The following BRME1 variants were observed in gnomAD, a reference collection of about 807,000 sequenced individuals.
BRME1 encodes break repair meiotic recombinase recruitment factor 1.
A neutral mutation model predicts 52.6 loss-of-function variants in BRME1; 31 were observed. That is an observed-to-expected ratio of 0.59 (90% CI 0.44 to 0.80). The LOEUF is 0.80. Ranked by LOEUF, BRME1 falls within the 30% of genes least tolerant of loss-of-function variation. The pLI, the probability that BRME1 is intolerant of heterozygous loss-of-function variation, is 0.00. For missense variants in BRME1, 804 were observed against 860.3 expected (o/e 0.93, Z 0.82); for synonymous variants, 359 against 353.6 (o/e 1.02, Z -0.17).
chr19:13,900,137 A>G (rs1446632639), intron 2 of BRME1, among the ~76,000 whole-genome samples: 1 of 152,218 alleles, frequency 6.6e-6, no homozygotes, highest in African/African-American at 2.4e-5. Flanking sequence ...AAGCAAAAAA[A>G]TATCAATGGC....
In BRME1 at chr19:13,889,367, C is replaced by T. The variant is rs770089296; in HGVS notation, c.1489G>A (p.Gly497Arg). The change falls in exon 6 of 9, where the codon GGG becomes AGG. Residue 497 changes from glycine (G) to arginine (R), a missense_variant. By Grantham distance (125) the Gly-to-Arg change is moderately radical (BLOSUM62 -2). Coordinates refer to ENST00000586783, the MANE Select transcript of BRME1 (RefSeq NM_001345843.2). The part of the protein sequence containing the change: ...EIADDPLQEP[G>R]AQQGIPDTTS... Reference sequence around the variant, plus strand: ...GTGTCTGGAATGCCCTGCTGAGCCCCGGGCTCCTGGAGAGGGTCGTCTGCT... The same window carrying T: ...GTGTCTGGAATGCCCTGCTGAGCCCTGGGCTCCTGGAGAGGGTCGTCTGCT... The T allele has an allele frequency of 3.5e-5, 57 of 1,613,982 alleles. No individual in the cohort carries two copies. Among genetic ancestry groups the T allele is most frequent in the African/African-American group, 2.0e-4 (15 of 74,908 alleles).
intron 6 of BRME1, 137 bp downstream of exon 6, chr19:13,889,051 C>T: frequency 1.3e-6 from 1 of 783,690 alleles, no homozygotes; most frequent in African/African-American, 1.8e-5. Flanking sequence ...ACTCGGACTC[C>T]TATAGTCGTT....
At position 13,883,618 on chromosome 19, in the gene BRME1, A is replaced by G. The variant is rs1348492529; in HGVS notation, c.1764-218T>C. The G allele has an allele frequency of 5.8e-6, 3 of 513,564 alleles. No homozygotes were observed. Among genetic ancestry groups the G allele is most frequent in the Middle Eastern group, 5.1e-4 (1 of 1,964 alleles). The allele number at this position is 513,564 out of a possible 1,614,324, so 31.8% of individuals were successfully genotyped here. A position where few individuals can be genotyped will look rare whatever the true frequency, so the allele number is the denominator to read the frequency against. The stretch of plus-strand genomic sequence containing the variant: ...TCTCCCCTACCTGCCCTGCCCTCTC[A>G]GGACGCTGCTGCCACCGCCTCCCTA... On this transcript the variant is annotated intron_variant, in intron 7 of 8. Transcript: ENST00000586783. This position sits in a 1 kb window ranked among gnomAD's most constrained non-coding sequence, Gnocchi z 4.2.
chr19:13,898,335 A>G (rs892404905), intron 2 of BRME1, among the ~76,000 whole-genome samples: 1 of 152,124 alleles, frequency 6.6e-6, no homozygotes, highest in African/African-American at 2.4e-5. Flanking sequence ...ACAAACCAAC[A>G]GCCAGGTGTG....
chr19:13,883,182 G>T lies in BRME1; in HGVS notation c.1856+126C>A. The stretch of plus-strand genomic sequence containing the variant: ...GGAGGGGGGCCACGGTGAGGACCCA[G>T]CAGCAGTGAGGTGCCTGACCCTCGC... On this transcript the variant is annotated intron_variant, in intron 8 of 8. Transcript: ENST00000586783. This position sits in a 1 kb window ranked among gnomAD's most constrained non-coding sequence, Gnocchi z 4.2. 1 of 994,760 alleles carries T rather than the reference G, an allele frequency of 1.0e-6. No homozygotes were observed. The highest frequency in any genetic ancestry group is 1.5e-6 in the Non-Finnish European group (1 of 676,828). 61.6% of individuals were successfully genotyped at this position (994,760 alleles called of 1,614,324 possible). A position where few individuals can be genotyped will look rare whatever the true frequency, so the allele number is the denominator to read the frequency against.
chr19:13,882,843 C>T lies in BRME1; in HGVS notation c.1966G>A (p.Gly656Arg). The T allele has an allele frequency of 6.2e-7, 1 of 1,614,098 alleles. No individual in the cohort carries two copies. Among genetic ancestry groups the T allele is most frequent in the Non-Finnish European group, 8.5e-7 (1 of 1,180,006 alleles). Reference sequence around the variant, plus strand: ...GGTGGGTCCCCTCGAGGGATATTCCCAGGCCCCTTGGAAGGGTAAGGCAGG... The same window carrying T: ...GGTGGGTCCCCTCGAGGGATATTCCTAGGCCCCTTGGAAGGGTAAGGCAGG... ...APLPYPSKGP[G>R]NIPRGDPPWR... Residue 656 changes from glycine (G) to arginine (R), a missense_variant, in exon 9 of 9, where the codon GGG (glycine) becomes AGG (arginine). By Grantham distance (125) the Gly-to-Arg change is moderately radical. Transcript: ENST00000586783.
rs774656358 is a variant in BRME1, at chr19:13,882,784, C to A, written c.*18G>T. The A allele has an allele frequency of 5.6e-6, 9 of 1,613,144 alleles. No homozygotes were observed. The South Asian group carries it at 9.9e-5, about 18-fold the overall frequency. The stretch of plus-strand genomic sequence containing the variant: ...CATGGGGGCTGGGTGGCAAAGGAAA[C>A]ACAGACCTCAAAGTGGCCTACAACT... On this transcript the variant is annotated 3_prime_UTR_variant, in exon 9 of 9. Coordinates refer to ENST00000586783, the MANE Select transcript of BRME1 (RefSeq NM_001345843.2).
rs1378549522 is a variant in BRME1 at position 13,883,201 on chromosome 19, C to T, written c.1856+107G>A. 3 of 1,102,514 alleles carry T rather than the reference C, an allele frequency of 2.7e-6. No homozygotes were observed. Among genetic ancestry groups the T allele is most frequent in the Non-Finnish European group, 3.9e-6 (3 of 770,482 alleles). The allele number at this position is 1,102,514 out of a possible 1,614,324, so 68.3% of individuals were successfully genotyped here. On this transcript the variant is annotated intron_variant, in intron 8 of 8. Transcript: ENST00000586783. This position sits in a 1 kb window ranked among gnomAD's most constrained non-coding sequence, Gnocchi z 4.2. ...GACCCAGCAGCAGTGAGGTGCCTGA[C>T]CCTCGCTGCCCACCTAGGGGCTTCA...
In BRME1 at chr19:13,892,881, C is replaced by G. The variant is rs369698495; in HGVS notation, c.298G>C (p.Gly100Arg). 4.0e-5 allele frequency: 64 copies of G among 1,612,446 alleles called. No homozygotes were observed. Among genetic ancestry groups the G allele is most frequent in the Non-Finnish European group, 4.8e-5 (57 of 1,178,586 alleles). The change falls in exon 5 of 9, where the codon GGG (glycine) becomes CGG (arginine). Residue 100 changes from glycine (G) to arginine (R), a missense_variant. This residue lies in a region of BRME1 where 234 missense variants were observed against 258.1 expected (regional missense o/e 0.91). Transcript: ENST00000586783. Reference sequence around the variant, plus strand: ...TTTGCAAACTGGGGAACAAACCTCCCGAATGAGTTCTGTAAACCGGATACA... The same window carrying G: ...TTTGCAAACTGGGGAACAAACCTCCGGAATGAGTTCTGTAAACCGGATACA... ...APLPPSQNSF[G>R]RFVPQFAKSR...
Position 13,890,223 on chromosome 19 carries a change from GT to G in BRME1, c.632del (p.His211ProfsTer132). On this transcript the variant is annotated frameshift_variant, in exon 6 of 9. Coordinates refer to ENST00000586783, the MANE Select transcript of BRME1 (RefSeq NM_001345843.2). LOFTEE classifies it high-confidence loss of function. ...LSASQRASQD[H>X]LSEQGADDSK... Reference sequence around the variant, plus strand: ...TGTCATCGGCCCCTTGTTCTGACAGGTGGTCTTGGCTGGCCCTCTGTGAGGC... The same window carrying G: ...TGTCATCGGCCCCTTGTTCTGACAGGGGTCTTGGCTGGCCCTCTGTGAGGC... 6.2e-7 allele frequency: 1 copy of G among 1,614,194 alleles called. No individual in the cohort carries two copies. Among genetic ancestry groups the G allele is most frequent in the African/African-American group, 1.3e-5 (1 of 75,062 alleles).
chr19:13,890,485 C>A (rs1198413404), intron 5 of BRME1, 23 bp from the exon 6 acceptor site: 4 of 1,456,440 alleles, frequency 2.7e-6, no homozygotes, highest in Non-Finnish European at 2.7e-6. Context: ...AAAGACTCAG[C>A]CCCGGGGCCT....
intron 6 of BRME1, among the ~76,000 whole-genome samples, chr19:13,887,669 C>T (rs1405508360): frequency 1.3e-5 from 2 of 152,178 alleles, no homozygotes; most frequent in African/African-American, 4.8e-5. Flanking sequence ...TTTTGCAAGG[C>T]ATGAAGCTCT....
intron 2 of BRME1, among the ~76,000 whole-genome samples, chr19:13,903,385 T>C (rs1402257561): frequency 6.6e-6 from 1 of 151,442 alleles, no homozygotes; most frequent in Non-Finnish European, 1.5e-5. Context: ...CCAAAAAAAG[T>C]CTCTAGGCCG....
intron 2 of BRME1, among the ~76,000 whole-genome samples, chr19:13,901,876 CA>C (rs1970318651): frequency 6.7e-6 from 1 of 149,468 alleles, no homozygotes; most frequent in East Asian, 2.0e-4. Context: ...TCGTCTCTTC[CA>C]AAAAATACAA....
Position 13,883,055 on chromosome 19 carries a change from C to T in BRME1, c.1857-103G>A, listed in dbSNP as rs1016845101. ...TGGTCACCAATGACTCAGGTGCACA[C>T]ACACGGCTCACACACGTGCACATAA... On this transcript the variant is annotated intron_variant, in intron 8 of 8. Transcript: ENST00000586783. The surrounding 1 kb of genome is among the most constrained non-coding windows in gnomAD (Gnocchi z 4.2). The T allele has an allele frequency of 5.0e-6, 7 of 1,386,380 alleles. No homozygotes were observed. In the African/African-American group the frequency reaches 5.7e-5, roughly 11 times the overall value. 85.9% of individuals were successfully genotyped at this position (1,386,380 alleles called of 1,614,324 possible). A position where few individuals can be genotyped will look rare whatever the true frequency, so the allele number is the denominator to read the frequency against.
At chr19:13,884,628 C>CAA (rs35330501) in intron 7 of BRME1, among the ~76,000 whole-genome samples, 29,594 of 124,990 alleles carry the variant, frequency 0.24, 3,403 homozygotes, top group East Asian at 0.3. Flanking sequence ...GACTGTGTCT[C>CAA]AAAAAAAAAA....
Position 13,890,260 on chromosome 19 carries a change from G to A in BRME1, c.596C>T (p.Thr199Met), listed in dbSNP as rs147137336. 5.6e-6 allele frequency: 9 copies of A among 1,613,698 alleles called. No individual in the cohort carries two copies. The highest frequency in any genetic ancestry group is 2.7e-5 in the African/African-American group (2 of 74,930). ...SQPDDPPDRG[T>M]GLSASQRASQ... ...GGCCCTCTGTGAGGCGGACAACCCC[G>A]TCCCCCTGTCTGGAGGGTCATCAGG... Residue 199 changes from threonine (T) to methionine (M), a missense_variant, in exon 6 of 9, where the codon ACG (threonine) becomes ATG (methionine). This residue lies in a region of BRME1 where 234 missense variants were observed against 258.1 expected (regional missense o/e 0.91). Coordinates refer to ENST00000586783, the MANE Select transcript of BRME1 (RefSeq NM_001345843.2).
chr19:13,902,338 TAA>T (rs1454067415), intron 2 of BRME1, among the ~76,000 whole-genome samples: 1 of 151,094 alleles, frequency 6.6e-6, no homozygotes, highest in Non-Finnish European at 1.5e-5. Flanking sequence ...GACATCATCT[TAA>T]AAAAAAGTCT....
chr19:13,882,706 G>A lies in BRME1; in HGVS notation c.*96C>T. 6.6e-7 allele frequency: 1 copy of A among 1,519,782 alleles called. No individual in the cohort carries two copies. 94.1% of individuals were successfully genotyped at this position (1,519,782 alleles called of 1,614,324 possible). ...ACCAACTTCCGGGCAACTGAAGGGA[G>A]GTTTGTAGGGTCCACTAGGACCCCC... is the stretch of plus-strand genomic sequence containing the variant. On this transcript the variant is annotated 3_prime_UTR_variant, in exon 9 of 9. Coordinates refer to ENST00000586783, the MANE Select transcript of BRME1 (RefSeq NM_001345843.2).
Sources: allele counts gnomAD v4.1 joint callset (sites outside exome capture counted in the v4.1 genomes callset), GRCh38; gene constraint gnomAD v4.1.1; regional missense constraint gnomAD v4.1.1; non-coding constraint Gnocchi (gnomAD v3.1); transcripts MANE v1.5; gene names NCBI Gene and HGNC (gene_info 2026-07-23, HGNC 2026-07-21).